EIF4E3: variants seen among roughly 807,000 people sequenced by gnomAD.
EIF4E3 encodes eukaryotic translation initiation factor 4E type 3.
A neutral mutation model predicts 31.7 loss-of-function variants in EIF4E3; 26 were observed. That is an observed-to-expected ratio of 0.82 (90% CI 0.60 to 1.14). The LOEUF is 1.14. Ranked by LOEUF, EIF4E3 falls within the 50% of genes most tolerant of loss-of-function variation. EIF4E3 has a pLI of 0.00. For synonymous variants in EIF4E3, 128 were observed against 107.7 expected, an observed-to-expected ratio of 1.19 and a Z score of -1.17; for missense variants, 304 against 270.9, an observed-to-expected ratio of 1.12 and a Z score of -0.86.
intron 1 of EIF4E3, among the ~76,000 whole-genome samples, chr3:71,753,095 C>A (rs552394573): frequency 2.6e-5 from 4 of 152,094 alleles, no homozygotes; most frequent in Non-Finnish European, 4.4e-5. Context: ...GGAAATCAGA[C>A]CAAGCGAAAT....
rs1327270373 is a variant in EIF4E3, at chr3:71,681,144, G to C, written c.*3538C>G. ...AGCACATCTGGAGCGATCTAGCTTT[G>C]ACACATTTTTATTAGGTGCATGAAA... On this transcript the variant is annotated 3_prime_UTR_variant, in exon 7 of 7. Coordinates refer to ENST00000425534, the MANE Select transcript of EIF4E3 (RefSeq NM_001134651.2). 1.3e-5 allele frequency: 2 copies of C among 152,188 alleles called. No individual in the cohort carries two copies. Among genetic ancestry groups the C allele is most frequent in the African/African-American group, 4.8e-5 (2 of 41,454 alleles). The allele number at this position is 152,188 out of a possible 1,614,324, so 9.4% of individuals were successfully genotyped here. A position where few individuals can be genotyped will look rare whatever the true frequency, so the allele number is the denominator to read the frequency against.
At chr3:71,685,288 TC>T (rs2048976998) in intron 6 of EIF4E3, among the ~76,000 whole-genome samples, 1 of 151,830 alleles carries the variant, frequency 6.6e-6, no homozygotes, top group Admixed American at 6.6e-5. Context: ...AAATCAAGTT[TC>T]CCCCTGCCAA....
At chr3:71,669,904 C>A in the EIF4E3 span, among the ~76,000 whole-genome samples, 5 of 152,196 alleles carry the variant, frequency 3.3e-5, no homozygotes. Flanking sequence ...TCATACTGCA[C>A]AGCTCCTGTC....
At chr3:71,754,117 C>T, upstream of EIF4E3, 4 of 1,418,842 alleles carry the variant, frequency 2.8e-6, no homozygotes, top group East Asian at 3.2e-5. The surrounding 1 kb of genome is among the most constrained non-coding windows in gnomAD (Gnocchi z 5.8). Context: ...CTCAAGCTGG[C>T]CACGCTCAGC....
chr3:71,750,833 G>A (rs551712550), intron 1 of EIF4E3, among the ~76,000 whole-genome samples: 321 of 150,660 alleles, frequency 2.1e-3, no homozygotes, highest in Non-Finnish European at 3.9e-3. Flanking sequence ...ACACGATTTC[G>A]GCTCACTGCA....
chr3:71,691,593 C>T (rs1392737839), intron 5 of EIF4E3, among the ~76,000 whole-genome samples: 1 of 152,148 alleles, frequency 6.6e-6, no homozygotes, highest in Non-Finnish European at 1.5e-5. Flanking sequence ...TCCTGGCGGG[C>T]TGGTAATGTC....
intron 1 of EIF4E3, among the ~76,000 whole-genome samples, chr3:71,732,314 T>C (rs1262948253): frequency 6.6e-6 from 1 of 152,002 alleles, no homozygotes; most frequent in African/African-American, 2.4e-5. Context: ...ACACCCCAGA[T>C]AGGGACAAGA....
At chr3:71,667,664 G>A in the EIF4E3 span, among the ~76,000 whole-genome samples, 6 of 152,124 alleles carry the variant, frequency 3.9e-5, no homozygotes, top group Non-Finnish European at 8.8e-5. Context: ...TTGCTACAAG[G>A]AGAATAAAAT....
intron 1 of EIF4E3, among the ~76,000 whole-genome samples, chr3:71,722,454 A>C (rs1399127845): frequency 6.6e-6 from 1 of 152,210 alleles, no homozygotes; most frequent in African/African-American, 2.4e-5. Context: ...GCGGGTCACC[A>C]TAAGATCAAA....
At chr3:71,662,194 G>A in the EIF4E3 span, among the ~76,000 whole-genome samples, 155 of 152,300 alleles carry the variant, frequency 1.0e-3, no homozygotes, top group Non-Finnish European at 1.8e-3. Context: ...GGAGGGGAGA[G>A]TGTCTCAGTA....
At chr3:71,748,437 C>T (rs1306735399) in intron 1 of EIF4E3, among the ~76,000 whole-genome samples, 2 of 152,054 alleles carry the variant, frequency 1.3e-5, no homozygotes, top group African/African-American at 4.8e-5. Context: ...TGGGTTTTCA[C>T]CCTCTTCCAG....
chr3:71,685,813 C>G (rs1008141499), intron 6 of EIF4E3, among the ~76,000 whole-genome samples: 2 of 152,180 alleles, frequency 1.3e-5, no homozygotes, highest in Non-Finnish European at 2.9e-5. Context: ...CCTCCCGGAT[C>G]TGGTTAACCA....
chr3:71,688,364 C>T (rs1359187744), intron 6 of EIF4E3, among the ~76,000 whole-genome samples: 1 of 152,182 alleles, frequency 6.6e-6, no homozygotes, highest in Non-Finnish European at 1.5e-5. Flanking sequence ...GTTGAGCCTG[C>T]TGCTAACCAA....
chr3:71,662,213 C>G, the EIF4E3 span, among the ~76,000 whole-genome samples: 4 of 152,190 alleles, frequency 2.6e-5, no homozygotes, highest in Admixed American at 1.3e-4. Context: ...TATAGAACCA[C>G]TTTCCACCAA....
chr3:71,684,722 T>G lies in EIF4E3; in HGVS notation c.635A>C (p.Glu212Ala), dbSNP rs1199509279. 6.2e-7 allele frequency: 1 copy of G among 1,613,898 alleles called. No homozygotes were observed. The highest frequency in any genetic ancestry group is 2.2e-5 in the East Asian group (1 of 44,864). Reference protein sequence around the residue: ...TFKAVFYKPHEEHHAFEGGRG... With the variant: ...TFKAVFYKPHAEHHAFEGGRG... ...TCCACCTTCAAAAGCATGATGCTCT[T>G]CATGGGCTAAAGGACAGAAAAAAAA... The change falls in exon 7 of 7, where the codon GAA becomes GCA. Residue 212 changes from glutamate (E) to alanine (A), a missense_variant. Coordinates refer to ENST00000425534, the MANE Select transcript of EIF4E3 (RefSeq NM_001134651.2).
At chr3:71,728,854 A>G (rs2049670418), upstream of EIF4E3, 2 of 152,104 alleles carry the variant, frequency 1.3e-5, no homozygotes, top group South Asian at 2.1e-4. Context: ...CAACACCTTC[A>G]TTTTCCAAAT....
chr3:71,725,284 G>C lies in EIF4E3; in HGVS notation c.84C>G (p.Pro28=). Residue 28 remains proline (P), a synonymous_variant, in exon 1 of 7, where the codon CCC becomes CCG. Coordinates refer to ENST00000425534, the MANE Select transcript of EIF4E3 (RefSeq NM_001134651.2). The surrounding 1 kb of genome is among the most constrained non-coding windows in gnomAD (Gnocchi z 6.1). ...GCTGCTGCAGGCCGAGCGGCGGCTCGGGGGCGGCGGCAGCGGCGGCGGCGC... is the reference window on the plus strand; with the variant it reads ...GCTGCTGCAGGCCGAGCGGCGGCTCCGGGGCGGCGGCAGCGGCGGCGGCGC... ...GSRAAAAAAA[P]EPPLGLQQLS... is the part of the protein sequence containing the mutation. The C allele has an allele frequency of 9.9e-7, 1 of 1,013,238 alleles. No homozygotes were observed. The allele number at this position is 1,013,238 out of a possible 1,614,324, so 62.8% of individuals were successfully genotyped here.
At chr3:71,749,915 G>C (rs1278051962) in intron 1 of EIF4E3, among the ~76,000 whole-genome samples, 1 of 152,178 alleles carries the variant, frequency 6.6e-6, no homozygotes, top group Non-Finnish European at 1.5e-5. Flanking sequence ...AATGAAATGT[G>C]AACAGTTTTT....
chr3:71,712,189 C>T (rs1559601406), intron 1 of EIF4E3, among the ~76,000 whole-genome samples: 1 of 152,178 alleles, frequency 6.6e-6, no homozygotes. Flanking sequence ...AACACCATGA[C>T]TGCATTTTGT....
Sources: allele counts gnomAD v4.1 joint callset (sites outside exome capture counted in the v4.1 genomes callset), GRCh38; gene constraint gnomAD v4.1.1; non-coding constraint Gnocchi (gnomAD v3.1); transcripts MANE v1.5; gene names NCBI Gene and HGNC (gene_info 2026-07-23, HGNC 2026-07-21).